NEUROD4: variants seen among roughly 807,000 people sequenced by gnomAD.
NEUROD4 encodes the protein neurogenic differentiation factor 4.
In NEUROD4, 16 loss-of-function variants were observed where a neutral mutation model predicts 19.8. The ratio of observed to expected loss-of-function variants is 0.81; its 90% CI spans 0.55 to 1.23. The LOEUF is 1.23. NEUROD4 is among the 50% of genes most tolerant of loss of function. The probability of loss-of-function intolerance (pLI) is 0.00; values close to 1 mark genes in which losing one functional copy is unlikely to be tolerated. For synonymous variants in NEUROD4, 153 were observed against 147.9 expected (o/e 1.03, Z -0.25); for missense variants, 439 against 398.6 (o/e 1.10, Z -0.86).
rs1022685391 is a variant in NEUROD4, at chr12:55,028,838, T to G, written c.*1403T>G. 4 of 167,194 alleles carry G rather than the reference T, an allele frequency of 2.4e-5. No homozygotes were observed. The highest frequency in any genetic ancestry group is 5.9e-5 in the Non-Finnish European group (4 of 68,096). The allele number at this position is 167,194 out of a possible 1,614,324, so 10.4% of individuals were successfully genotyped here. ...CAATTTGCAGAGTGTTTATTTTTCT[T>G]TATGTAACTCCTTTTTCCTTTATAT... On this transcript the variant is annotated 3_prime_UTR_variant, in exon 2 of 2. Transcript: ENST00000242994.
Position 55,027,638 on chromosome 12 carries a change from A to G in NEUROD4, c.*203A>G, listed in dbSNP as rs951169468. 2.0e-5 allele frequency: 10 copies of G among 507,438 alleles called. No homozygotes were observed. Among genetic ancestry groups the G allele is most frequent in the Non-Finnish European group, 3.5e-5 (10 of 284,126 alleles). 31.4% of individuals were successfully genotyped at this position (507,438 alleles called of 1,614,324 possible). On this transcript the variant is annotated 3_prime_UTR_variant, in exon 2 of 2. Coordinates refer to ENST00000242994, the MANE Select transcript of NEUROD4 (RefSeq NM_021191.3). ...CATTGATTTCTTTATAGAGTCCTCA[A>G]GTGAAAATATTTGATGATTTAACAA...
At chr12:55,025,441 A>G (rs970722502) in intron 1 of NEUROD4, among the ~76,000 whole-genome samples, 4 of 152,126 alleles carry the variant, frequency 2.6e-5, no homozygotes, top group Admixed American at 1.3e-4. Context: ...TAAACCTTGG[A>G]TGGGTTTGGT....
chr12:55,024,304 TA>T (rs1565596009), intron 1 of NEUROD4, among the ~76,000 whole-genome samples: 1 of 152,170 alleles, frequency 6.6e-6, no homozygotes, highest in African/African-American at 2.4e-5. Context: ...ACCTAAGATG[TA>T]AAATAAGAAG....
rs1952754255 is a variant in NEUROD4 at position 55,028,030 on chromosome 12, T to C, written c.*595T>C. 1 of 167,126 alleles carries C rather than the reference T, an allele frequency of 6.0e-6. No homozygotes were observed. The highest frequency in any genetic ancestry group is 2.4e-5 in the African/African-American group (1 of 41,464). 10.4% of individuals were successfully genotyped at this position (167,126 alleles called of 1,614,324 possible). A position where few individuals can be genotyped will look rare whatever the true frequency, so the allele number is the denominator to read the frequency against. On this transcript the variant is annotated 3_prime_UTR_variant, in exon 2 of 2. Coordinates refer to ENST00000242994, the MANE Select transcript of NEUROD4 (RefSeq NM_021191.3). ...CTTGTTTGGATTTAATGATAGGACC[T>C]CTTTGTATCTATTGAAAAATAGCTT...
intron 1 of NEUROD4, among the ~76,000 whole-genome samples, chr12:55,024,220 C>A (rs536397260): frequency 1.3e-5 from 2 of 152,230 alleles, no homozygotes; most frequent in Admixed American, 6.5e-5. Flanking sequence ...TGCTGTACAT[C>A]TCCTGAAGCC....
rs1952773452 is a variant in NEUROD4 at position 55,029,956 on chromosome 12, T to C, written c.*2521T>C. 2 of 166,882 alleles carry C rather than the reference T, an allele frequency of 1.2e-5. No individual in the cohort carries two copies. Among genetic ancestry groups the C allele is most frequent in the Admixed American group, 1.3e-4 (2 of 15,272 alleles). The allele number at this position is 166,882 out of a possible 1,614,324, so 10.3% of individuals were successfully genotyped here. ...AAAATAATTGTTTAAATATTTTGTT[T>C]AAAATATGACTGTTTTTCCTCCCTT... On this transcript the variant is annotated 3_prime_UTR_variant, in exon 2 of 2. Transcript: ENST00000242994.
intron 1 of NEUROD4, among the ~76,000 whole-genome samples, chr12:55,022,147 T>G (rs1394590): frequency 4.2e-4 from 64 of 152,314 alleles, no homozygotes; most frequent in African/African-American, 1.4e-3. Context: ...TATTTTCATT[T>G]TGCCCTAAGG....
chr12:55,020,845 G>A (rs118008065), intron 1 of NEUROD4, among the ~76,000 whole-genome samples: 2,038 of 152,284 alleles, frequency 0.013, 24 homozygotes, highest in Admixed American at 0.022. Flanking sequence ...TACTAAAAAT[G>A]CTTGAATAGT....
At chr12:55,022,739 G>A (rs1952683051) in intron 1 of NEUROD4, among the ~76,000 whole-genome samples, 1 of 152,110 alleles carries the variant, frequency 6.6e-6, no homozygotes, top group Admixed American at 6.5e-5. Context: ...CTCAGTGGAG[G>A]CAGTTGATAG....
At position 55,027,089 on chromosome 12, in the gene NEUROD4, T is replaced by C; in HGVS notation, c.650T>C (p.Met217Thr). ...CTTCCTAGCCCTCCTTATGGTCATA[T>C]GGAAACACATCTCCTTCATCTCAAG... ...PGLPSPPYGH[M>T]ETHLLHLKPQ... The change falls in exon 2 of 2, where the codon ATG becomes ACG. Residue 217 changes from methionine (M) to threonine (T), a missense_variant. Met to Thr is a moderately conservative substitution (Grantham distance 81, BLOSUM62 -1). Coordinates refer to ENST00000242994, the MANE Select transcript of NEUROD4 (RefSeq NM_021191.3). The C allele has an allele frequency of 6.2e-7, 1 of 1,614,130 alleles. No homozygotes were observed. Among genetic ancestry groups the C allele is most frequent in the Non-Finnish European group, 8.5e-7 (1 of 1,179,980 alleles).
chr12:55,023,371 ATAGAT>A (rs1459012951), intron 1 of NEUROD4, among the ~76,000 whole-genome samples: 1 of 152,202 alleles, frequency 6.6e-6, no homozygotes, highest in Non-Finnish European at 1.5e-5. Flanking sequence ...ACGTGTGTGA[ATAGAT>A]TAGATAAGAA....
At chr12:55,026,203 A>G (rs1952726234) in intron 1 of NEUROD4, among the ~76,000 whole-genome samples, 1 of 152,148 alleles carries the variant, frequency 6.6e-6, no homozygotes, top group Admixed American at 6.5e-5. Flanking sequence ...ATCTAAGAAT[A>G]AAAACAGGCA....
intron 1 of NEUROD4, among the ~76,000 whole-genome samples, chr12:55,023,262 C>A (rs1256457599): frequency 1.3e-5 from 2 of 151,934 alleles, no homozygotes; most frequent in Non-Finnish European, 2.9e-5. Flanking sequence ...TTTTCTAAAC[C>A]AATCAGAGGT....
At chr12:55,025,747 T>C (rs537195010) in intron 1 of NEUROD4, among the ~76,000 whole-genome samples, 1 of 152,194 alleles carries the variant, frequency 6.6e-6, no homozygotes. Flanking sequence ...GATGGTCACA[T>C]GTTGGACCAG....
chr12:55,026,907 G>C lies in NEUROD4; in HGVS notation c.468G>C (p.Glu156Asp), dbSNP rs1354664124. ...GQTPEGKGFVEMLCKGLSQPT... is the reference protein window; with the variant it reads ...GQTPEGKGFVDMLCKGLSQPT... ...CACCTGAAGGGAAAGGCTTTGTGGA[G>C]ATGCTGTGTAAAGGGCTCTCTCAGC... is the stretch of plus-strand genomic sequence containing the variant. Residue 156 changes from glutamate (E) to aspartate (D), a missense_variant, in exon 2 of 2, where the codon GAG becomes GAC. Transcript: ENST00000242994. The C allele has an allele frequency of 6.2e-7, 1 of 1,614,190 alleles. No homozygotes were observed. Among genetic ancestry groups the C allele is most frequent in the Non-Finnish European group, 8.5e-7 (1 of 1,180,028 alleles).
rs1952666046 is a variant in NEUROD4, at chr12:55,020,243, A to T, written c.-80A>T. On this transcript the variant is annotated 5_prime_UTR_variant, in exon 1 of 2. Coordinates refer to ENST00000242994, the MANE Select transcript of NEUROD4 (RefSeq NM_021191.3). Reference sequence around the variant, plus strand: ...TTCTACCATCTGGATGGTCAGGGAGACTTGGCTTCTCTGACTGTCCTCTAA... The same window carrying T: ...TTCTACCATCTGGATGGTCAGGGAGTCTTGGCTTCTCTGACTGTCCTCTAA... 1 of 152,180 alleles carries T rather than the reference A, an allele frequency of 6.6e-6. No homozygotes were observed. Among genetic ancestry groups the T allele is most frequent in the Non-Finnish European group, 1.5e-5 (1 of 68,064 alleles). The allele number at this position is 152,180 out of a possible 1,614,324, so 9.4% of individuals were successfully genotyped here. A position where few individuals can be genotyped will look rare whatever the true frequency, so the allele number is the denominator to read the frequency against.
Position 55,027,495 on chromosome 12 carries a change from T to C in NEUROD4, c.*60T>C. On this transcript the variant is annotated 3_prime_UTR_variant, in exon 2 of 2. Transcript: ENST00000242994. ...GAGACATTTTCCATAATTCAAGTGG[T>C]TGAGCTAAAGATTCAATGACCTTAA... 4.7e-6 allele frequency: 7 copies of C among 1,487,454 alleles called. No homozygotes were observed. Among genetic ancestry groups the C allele is most frequent in the Non-Finnish European group, 6.4e-6 (7 of 1,100,754 alleles). The allele number at this position is 1,487,454 out of a possible 1,614,324, so 92.1% of individuals were successfully genotyped here. A position where few individuals can be genotyped will look rare whatever the true frequency, so the allele number is the denominator to read the frequency against.
intron 1 of NEUROD4, among the ~76,000 whole-genome samples, chr12:55,023,717 C>A (rs142160081): frequency 2.4e-4 from 36 of 152,318 alleles, no homozygotes; most frequent in African/African-American, 8.4e-4. Flanking sequence ...CTGTGTCCTT[C>A]CCATGATTAG....
chr12:55,021,658 G>A (rs1292248059), intron 1 of NEUROD4, among the ~76,000 whole-genome samples: 3 of 151,934 alleles, frequency 2.0e-5, no homozygotes, highest in African/African-American at 7.3e-5. Context: ...CACTTTGCTA[G>A]AACAGATTTA....
Sources: gnomAD v4.1 joint callset for allele counts (sites outside exome capture counted in the v4.1 genomes callset) on GRCh38, gnomAD v4.1.1 for gene constraint, MANE v1.5 for transcripts, NCBI Gene and HGNC (gene_info 2026-07-23, HGNC 2026-07-21) for gene names.